KATNAL2: variants seen among roughly 807,000 people sequenced by gnomAD.
KATNAL2 encodes the protein katanin catalytic subunit A1 like 2, also known as katanin p60 ATPase-containing subunit A-like 2.
KATNAL2 carries 52 observed loss-of-function variants against 76.3 expected under a neutral mutation model. The observed-to-expected ratio is 0.68, with a 90% CI of 0.55 to 0.86. The LOEUF (loss-of-function observed/expected upper bound fraction) is 0.86. Among genes scored for constraint, KATNAL2 ranks in the 40% least tolerant of loss-of-function variants. KATNAL2 has a pLI of 0.00. For synonymous variants in KATNAL2, 243 were observed against 244.2 expected (o/e 1.00, Z 0.05); for missense variants, 660 against 668.9 (o/e 0.99, Z 0.15).
Position 47,101,681 on chromosome 18 carries a change from T to C in KATNAL2, c.*676T>C, listed in dbSNP as rs1448929987. ...GATTGTTTTGGGTTCTGGCCCCCAA[T>C]AACATCTTTTCACTCTTCACACCTC... On this transcript the variant is annotated 3_prime_UTR_variant, in exon 18 of 18. Coordinates refer to ENST00000683218, the MANE Select transcript of KATNAL2 (RefSeq NM_001387690.1). 3 of 152,846 alleles carry C rather than the reference T, an allele frequency of 2.0e-5. No homozygotes were observed. Among genetic ancestry groups the C allele is most frequent in the African/African-American group, 7.2e-5 (3 of 41,418 alleles). 9.5% of individuals were successfully genotyped at this position (152,846 alleles called of 1,614,324 possible). A position where few individuals can be genotyped will look rare whatever the true frequency, so the allele number is the denominator to read the frequency against.
intron 3 of KATNAL2, among the ~76,000 whole-genome samples, chr18:46,966,232 A>G (rs2146848423): frequency 7.9e-6 from 1 of 126,618 alleles, no homozygotes; most frequent in Non-Finnish European, 1.8e-5. Context: ...AATGAGGTTT[A>G]TCTTGTAAAT....
intron 1 of KATNAL2, among the ~76,000 whole-genome samples, chr18:46,942,732 C>T (rs1026110842): frequency 1.3e-5 from 2 of 152,074 alleles, no homozygotes; most frequent in African/African-American, 2.4e-5. Context: ...ATTTTAAAGT[C>T]CTTGTCTGCT....
At chr18:47,059,377 GCAGGCAGA>G (rs2061564464) in intron 7 of KATNAL2, among the ~76,000 whole-genome samples, 171 bp from the exon 8 acceptor site, 1 of 152,252 alleles carries the variant, frequency 6.6e-6, no homozygotes, top group South Asian at 2.1e-4. Context: ...TCCACATAGT[GCAGGCAGA>G]CAGCTACTTC....
At chr18:47,098,681 C>T (rs555350341) in intron 15 of KATNAL2, 107 of 154,564 alleles carry the variant, frequency 6.9e-4, no homozygotes, top group African/African-American at 2.4e-3. Flanking sequence ...TCTGAAAGGG[C>T]GGTTATTTGC....
rs537132122 is a variant in KATNAL2 at position 47,082,305 on chromosome 18, C to T, written c.1211+4844C>T. ...TCTCTGGCCCACTATCCACTAGATG[C>T]CAGTAGCACCTCCTCCCCAGCAGTT... On this transcript the variant is annotated intron_variant, in intron 15 of 17. Coordinates refer to ENST00000683218, the MANE Select transcript of KATNAL2 (RefSeq NM_001387690.1). Among the ~76,000 whole-genome samples the T allele has an allele frequency of 2.0e-5, 3 of 152,260 alleles. No homozygotes were observed. In the East Asian group the frequency reaches 5.8e-4, roughly 29 times the overall value.
intron 3 of KATNAL2, chr18:47,032,774 A>T (rs1447451032): frequency 1.4e-6 from 1 of 716,844 alleles, no homozygotes; most frequent in Non-Finnish European, 2.3e-6. Flanking sequence ...ATTGTTCCCA[A>T]TGCGTTCATA....
intron 3 of KATNAL2, among the ~76,000 whole-genome samples, chr18:47,044,524 C>T (rs1030626176): frequency 3.3e-5 from 5 of 151,694 alleles, no homozygotes; most frequent in African/African-American, 1.2e-4. Context: ...TTTGGGAGGC[C>T]GAAGCAGGCG....
intron 15 of KATNAL2, among the ~76,000 whole-genome samples, chr18:47,092,791 G>C (rs1424880422): frequency 6.6e-6 from 1 of 152,184 alleles, no homozygotes; most frequent in African/African-American, 2.4e-5. Context: ...TCTGTTTCTT[G>C]AATCCCTTAT....
intron 3 of KATNAL2, among the ~76,000 whole-genome samples, chr18:46,959,822 G>A (rs762054412): frequency 3.3e-5 from 5 of 152,092 alleles, no homozygotes; most frequent in Admixed American, 6.6e-5. Context: ...TGATCTGCCC[G>A]CCTCGGCCTC....
chr18:47,031,813 A>C (rs1224081117), intron 3 of KATNAL2, among the ~76,000 whole-genome samples: 1 of 152,116 alleles, frequency 6.6e-6, no homozygotes, highest in African/African-American at 2.4e-5. Flanking sequence ...GCAGTGTCAC[A>C]TCCCTTTTCC....
chr18:46,924,790 C>T (rs536065348), intron 1 of KATNAL2, among the ~76,000 whole-genome samples: 47 of 152,276 alleles, frequency 3.1e-4, no homozygotes, highest in Admixed American at 6.5e-4. Context: ...AGAGGTGCTT[C>T]ACATCCCTTG....
chr18:46,944,788 C>T (rs1304038502), intron 1 of KATNAL2, among the ~76,000 whole-genome samples: 5 of 151,536 alleles, frequency 3.3e-5, no homozygotes, highest in African/African-American at 9.7e-5. Flanking sequence ...ATTAGCTGGG[C>T]GTGGTGGCGT....
At chr18:47,071,582 T>C (rs2062002226) in intron 13 of KATNAL2, among the ~76,000 whole-genome samples, 1 of 151,340 alleles carries the variant, frequency 6.6e-6, no homozygotes, top group East Asian at 1.9e-4. Context: ...TTAGTTTAGG[T>C]TCATCTCCTG....
intron 13 of KATNAL2, among the ~76,000 whole-genome samples, chr18:47,070,093 C>CT (rs754188205): frequency 1.9e-5 from 2 of 104,388 alleles, no homozygotes; most frequent in African/African-American, 5.8e-5. Context: ...AGATTTTTTG[C>CT]TTTCTTTTTT....
intron 3 of KATNAL2, among the ~76,000 whole-genome samples, chr18:46,949,409 C>G (rs1236138795): frequency 1.3e-5 from 2 of 152,258 alleles, no homozygotes; most frequent in East Asian, 3.9e-4. Context: ...TGTACCATCA[C>G]ACGTGGTTAA....
chr18:46,922,548 C>T (rs944367263), intron 1 of KATNAL2, among the ~76,000 whole-genome samples: 2 of 151,488 alleles, frequency 1.3e-5, no homozygotes, highest in African/African-American at 4.8e-5. Flanking sequence ...ATTCCCAGCA[C>T]TTCGGGAGGC....
Position 47,054,427 on chromosome 18 carries a change from G to A in KATNAL2, c.321G>A (p.Gly107=), listed in dbSNP as rs2061416417. Residue 107 remains glycine (G), a synonymous_variant, in exon 6 of 18, where the codon GGG becomes GGA. Coordinates refer to ENST00000683218, the MANE Select transcript of KATNAL2 (RefSeq NM_001387690.1). ...ATAATTTACCGCAAAGAAGTAGAGG[G>A]AAGACCAGAAGGTAAAGTGAATGGT... The part of the protein sequence containing the change: ...AENNLPQRSR[G]KTRRMMNDSC... The A allele has an allele frequency of 6.2e-7, 1 of 1,613,658 alleles. No homozygotes were observed. The highest frequency in any genetic ancestry group is 8.5e-7 in the Non-Finnish European group (1 of 1,179,668).
At chr18:47,035,856 C>CA (rs774558771) in intron 3 of KATNAL2, among the ~76,000 whole-genome samples, 1 of 152,182 alleles carries the variant, frequency 6.6e-6, no homozygotes, top group Non-Finnish European at 1.5e-5. Flanking sequence ...AATAACACAG[C>CA]AAGACAAAAT....
At chr18:47,075,031 A>G (rs963143317) in intron 13 of KATNAL2, among the ~76,000 whole-genome samples, 6 of 152,180 alleles carry the variant, frequency 3.9e-5, no homozygotes, top group African/African-American at 1.2e-4. Flanking sequence ...TATGATTAGT[A>G]ACCTTGGAGT....
Sources: gnomAD v4.1 joint callset for allele counts (sites outside exome capture counted in the v4.1 genomes callset) on GRCh38, gnomAD v4.1.1 for gene constraint, MANE v1.5 for transcripts, NCBI Gene and HGNC (gene_info 2026-07-23, HGNC 2026-07-21) for gene names.